The following LRRK2 variants were observed in gnomAD, a reference collection of about 807,000 sequenced individuals.
LRRK2 encodes the protein leucine rich repeat kinase 2.
In LRRK2, 203 loss-of-function variants were observed where a neutral mutation model predicts 302.6. The ratio of observed to expected loss-of-function variants is 0.67; its 90% CI spans 0.60 to 0.75. LRRK2 has a LOEUF of 0.75. Among genes scored for constraint, LRRK2 ranks in the 30% least tolerant of loss-of-function variants. The pLI is 0.00. For synonymous variants in LRRK2, 1,066 were observed against 1,031.9 expected, an observed-to-expected ratio of 1.03 and a Z score of -0.63; for missense variants, 2,830 against 2,951.0, an observed-to-expected ratio of 0.96 and a Z score of 0.95.
chr12:40,327,859 A>T (rs566683929), intron 38 of LRRK2, among the ~76,000 whole-genome samples: 1 of 152,324 alleles, frequency 6.6e-6, no homozygotes, highest in Non-Finnish European at 1.5e-5. Flanking sequence ...AGTTAAAATA[A>T]TTCTTCAATT....
At chr12:40,245,860 T>G (rs1404970139) in intron 7 of LRRK2, among the ~76,000 whole-genome samples, 1 of 152,088 alleles carries the variant, frequency 6.6e-6, no homozygotes, top group African/African-American at 2.4e-5. Flanking sequence ...CTAAATGCAC[T>G]TAAGTTCTCT....
chr12:40,361,692 A>G (rs193160736), intron 47 of LRRK2, among the ~76,000 whole-genome samples: 145 of 152,236 alleles, frequency 9.5e-4, no homozygotes, highest in African/African-American at 3.1e-3. Flanking sequence ...CAAGCTCTCA[A>G]AGATGCTCAT....
At position 40,363,474 on chromosome 12, in the gene LRRK2, G is replaced by A; in HGVS notation, c.7101G>A (p.Lys2367=). 1 of 1,612,040 alleles carries A rather than the reference G, an allele frequency of 6.2e-7. No homozygotes were observed. The highest frequency in any genetic ancestry group is 8.5e-7 in the Non-Finnish European group (1 of 1,178,762). ...TAGACACTGCTCTCTATATTGCTAA[G>A]CAAAATAGCCCTGTTGTGGAAGTGT... ...VVVDTALYIA[K]QNSPVVEVWD... The change falls in exon 48 of 51, where the codon AAG becomes AAA. Residue 2367 remains lysine, a synonymous_variant. Transcript: ENST00000298910.
chr12:40,240,247 AC>A (rs1941664980), intron 5 of LRRK2, among the ~76,000 whole-genome samples: 1 of 152,184 alleles, frequency 6.6e-6, no homozygotes, highest in South Asian at 2.1e-4. Flanking sequence ...TAGCACTTTT[AC>A]ATTTCAAAAC....
In LRRK2 at chr12:40,305,779, A is replaced by G. The variant is rs200311005; in HGVS notation, c.3778-6A>G. 5 of 1,612,780 alleles carry G rather than the reference A, an allele frequency of 3.1e-6. No individual in the cohort carries two copies. The highest frequency in any genetic ancestry group is 4.2e-6 in the Non-Finnish European group (5 of 1,179,462). ...AACAGGTTTTGCCCTTTTTTTTCCC[A>G]TTAAGATTCCTCCTGAGATTGGCTG... On this transcript the variant is annotated splice_polypyrimidine_tract_variant and splice_region_variant and intron_variant, in intron 27 of 50. Coordinates refer to ENST00000298910, the MANE Select transcript of LRRK2 (RefSeq NM_198578.4).
chr12:40,333,513 C>G (rs1945776814), intron 39 of LRRK2, among the ~76,000 whole-genome samples: 1 of 152,024 alleles, frequency 6.6e-6, no homozygotes, highest in African/African-American at 2.4e-5. Flanking sequence ...AATTCAAGCC[C>G]AACAATGTCA....
At position 40,364,964 on chromosome 12, in the gene LRRK2, T is replaced by C; in HGVS notation, c.7304T>C (p.Leu2435Ser). ...LWIGTGGGHILLLDLSTRRLI... is the reference protein window; with the variant it reads ...LWIGTGGGHISLLDLSTRRLI... ...ATAGGAACTGGAGGAGGCCATATTT[T>C]ACTCCTGGATCTTTCAACTCGTCGA... Residue 2435 changes from leucine (L) to serine (S), a missense_variant, in exon 49 of 51, where the codon TTA becomes TCA. This residue lies in a region of LRRK2 where 456 missense variants were observed against 456.3 expected (regional missense o/e 1.00). Coordinates refer to ENST00000298910, the MANE Select transcript of LRRK2 (RefSeq NM_198578.4). 1.2e-6 allele frequency: 2 copies of C among 1,612,758 alleles called. No homozygotes were observed. Among genetic ancestry groups the C allele is most frequent in the Non-Finnish European group, 1.7e-6 (2 of 1,179,146 alleles).
intron 43 of LRRK2, 140 bp downstream of exon 43, chr12:40,348,649 T>C (rs1946265324): frequency 4.6e-6 from 3 of 656,636 alleles, no homozygotes; most frequent in South Asian, 2.1e-5. Context: ...AAACCTCCTA[T>C]AATTTTCACC....
chr12:40,263,644 T>C, intron 13 of LRRK2, 145 bp from the exon 14 acceptor site: 1 of 537,576 alleles, frequency 1.9e-6, no homozygotes, highest in South Asian at 3.3e-5. Context: ...TTCTGGTTAT[T>C]TATTTGATAA....
chr12:40,239,837 A>G (rs1323706707), intron 5 of LRRK2, among the ~76,000 whole-genome samples: 1 of 152,196 alleles, frequency 6.6e-6, no homozygotes, highest in East Asian at 1.9e-4. Flanking sequence ...TGTGTTTTCT[A>G]ACATATTTCT....
intron 13 of LRRK2, among the ~76,000 whole-genome samples, 164 bp downstream of exon 13, chr12:40,259,768 T>C (rs1045270231): frequency 2.0e-5 from 3 of 152,114 alleles, no homozygotes; most frequent in Admixed American, 6.6e-5. Flanking sequence ...TGCAGAAGAG[T>C]CACTTAGATT....
In LRRK2 at chr12:40,346,839, A is replaced by G; in HGVS notation, c.6196A>G (p.Ile2066Val). The change falls in exon 42 of 51, where the codon ATT (isoleucine) becomes GTT (valine). Residue 2066 changes from isoleucine to valine, a missense_variant. By Grantham distance (29) the Ile-to-Val change is conservative (BLOSUM62 3). Transcript: ENST00000298910. Reference sequence around the variant, plus strand: ...TTCATTTGGTTTACTACTCTATGACATTTTGACAACTGGAGGTAGAATAGT... The same window carrying G: ...TTCATTTGGTTTACTACTCTATGACGTTTTGACAACTGGAGGTAGAATAGT... ...VYSFGLLLYD[I>V]LTTGGRIVEG... The G allele has an allele frequency of 1.2e-6, 2 of 1,613,750 alleles. No individual in the cohort carries two copies. The highest frequency in any genetic ancestry group is 2.2e-5 in the East Asian group (1 of 44,844).
Position 40,230,403 on chromosome 12 carries a change from A to G in LRRK2, c.238-1871A>G, listed in dbSNP as rs183047734. Among the ~76,000 whole-genome samples the G allele has an allele frequency of 2.4e-3, 359 of 152,246 alleles. 5 individuals carry two copies. Among genetic ancestry groups the G allele is most frequent in the Admixed American group, 0.021 (327 of 15,292 alleles). On this transcript the variant is annotated intron_variant, in intron 2 of 50. Coordinates refer to ENST00000298910, the MANE Select transcript of LRRK2 (RefSeq NM_198578.4). ...GTCATTCAACTCCTTGCAATATTCAACTTTACTTATGCATCCAGCCTTATC... is the reference window on the plus strand; with the variant it reads ...GTCATTCAACTCCTTGCAATATTCAGCTTTACTTATGCATCCAGCCTTATC...
chr12:40,338,318 TA>T (rs1174603601), intron 40 of LRRK2, among the ~76,000 whole-genome samples: 8 of 152,188 alleles, frequency 5.3e-5, no homozygotes, highest in Admixed American at 4.6e-4. Context: ...CCCTCATAGA[TA>T]CCTAGTACAT....
chr12:40,333,347 G>A (rs1005246214), intron 39 of LRRK2, among the ~76,000 whole-genome samples: 3 of 152,102 alleles, frequency 2.0e-5, no homozygotes, highest in Non-Finnish European at 4.4e-5. Context: ...AGTGGGCGCC[G>A]CTACTCCACA....
chr12:40,261,239 A>T (rs1033683976), intron 13 of LRRK2, among the ~76,000 whole-genome samples: 26 of 152,140 alleles, frequency 1.7e-4, no homozygotes, highest in African/African-American at 6.3e-4. Flanking sequence ...ATTATCCTTA[A>T]AGTTGACAGC....
At chr12:40,345,303 A>T (rs1046707798) in intron 41 of LRRK2, among the ~76,000 whole-genome samples, 1 of 152,144 alleles carries the variant, frequency 6.6e-6, no homozygotes, top group African/African-American at 2.4e-5. Context: ...TTATTTTGAA[A>T]ATGTTTAAGC....
In LRRK2 at chr12:40,367,710, A is replaced by G; in HGVS notation, c.7529A>G (p.His2510Arg). The change falls in exon 51 of 51, where the codon CAC becomes CGC. Residue 2510 changes from histidine to arginine, a missense_variant. Physicochemically the swap from His to Arg is conservative, Grantham distance 29. This residue lies in a region of LRRK2 where 456 missense variants were observed against 456.3 expected (regional missense o/e 1.00). Transcript: ENST00000298910. ...LPHEVQNLEK[H>R]IEVRKELAEK... ...CATGAAGTGCAAAATTTAGAAAAAC[A>G]CATTGAAGTGAGAAAAGAATTAGCT... The G allele has an allele frequency of 6.2e-7, 1 of 1,605,386 alleles. No homozygotes were observed. The highest frequency in any genetic ancestry group is 8.5e-7 in the Non-Finnish European group (1 of 1,174,842).
intron 6 of LRRK2, among the ~76,000 whole-genome samples, chr12:40,243,007 A>C (rs1213872228): frequency 6.6e-6 from 1 of 151,164 alleles, no homozygotes; most frequent in African/African-American, 2.4e-5. Context: ...AATATGTTAC[A>C]TTATTGTCCC....
Sources: gnomAD v4.1 joint callset for allele counts (sites outside exome capture counted in the v4.1 genomes callset) on GRCh38, gnomAD v4.1.1 for gene constraint, gnomAD v4.1.1 regional missense constraint, MANE v1.5 for transcripts, NCBI Gene and HGNC (gene_info 2026-07-23, HGNC 2026-07-21) for gene names.